ZFHX3: variants seen among roughly 807,000 people sequenced by gnomAD.
ZFHX3 encodes the protein zinc finger homeobox protein 3.
Under a neutral mutation model 279.1 loss-of-function variants are expected in ZFHX3, and 42 were observed. The ratio of observed to expected loss-of-function variants is 0.15; its 90% confidence interval spans 0.12 to 0.19. The LOEUF is 0.19. Ranked by LOEUF, ZFHX3 falls within the 10% of genes least tolerant of loss-of-function variation. The pLI, the probability that ZFHX3 is intolerant of heterozygous loss-of-function variation, is 1.00. For synonymous variants in ZFHX3, 2,293 were observed against 1,957.8 expected (o/e 1.17, Z -4.52); for missense variants, 4,981 against 4,754.0 (o/e 1.05, Z -1.40).
chr16:73,634,166 G>A (rs1044096087), intron 2 of ZFHX3, among the ~76,000 whole-genome samples: 2 of 151,726 alleles, frequency 1.3e-5, no homozygotes, highest in Non-Finnish European at 2.9e-5. Flanking sequence ...ACTGTATCAT[G>A]TCAATACTGT....
At chr16:73,818,491 A>C (rs978390141) in intron 1 of ZFHX3, among the ~76,000 whole-genome samples, 4 of 152,166 alleles carry the variant, frequency 2.6e-5, no homozygotes, top group Non-Finnish European at 5.9e-5. Flanking sequence ...ACATGATATC[A>C]ACCAAAGCTC....
rs866644801 is a variant in ZFHX3 at position 73,784,800 on chromosome 16, T to A, written c.-1607-104560A>T. Among the ~76,000 whole-genome samples, 111 of 118,362 alleles carry A rather than the reference T, an allele frequency of 9.4e-4. 1 individual carries two copies. The highest frequency in any genetic ancestry group is 3.1e-3 in the African/African-American group (81 of 25,716). 77.7% of individuals were successfully genotyped at this position (118,362 alleles called of 152,430 possible). ...TTTTAACAAAATAAAAAAAAAAATA[T>A]ATATATATATATATATACACACACA... On this transcript the variant is annotated intron_variant, in intron 1 of 17. Coordinates refer to the ZFHX3 transcript ENST00000641206.
At chr16:73,525,934 C>T (rs1484023320) in intron 2 of ZFHX3, among the ~76,000 whole-genome samples, 4 of 152,326 alleles carry the variant, frequency 2.6e-5, no homozygotes, top group Non-Finnish European at 4.4e-5. Context: ...TTACCCCAAG[C>T]TTCTGCCTCT....
chr16:73,353,747 A>T (rs931348841), intron 3 of ZFHX3, among the ~76,000 whole-genome samples: 3 of 152,212 alleles, frequency 2.0e-5, no homozygotes, highest in African/African-American at 4.8e-5. Context: ...GAAGCAGGAG[A>T]AAAAGAGGCA....
chr16:73,000,763 G>C (rs1314220414), intron 1 of ZFHX3, among the ~76,000 whole-genome samples: 1 of 152,140 alleles, frequency 6.6e-6, no homozygotes, highest in East Asian at 1.9e-4. Flanking sequence ...ACAGCGGATG[G>C]GCGTCAGATC....
At chr16:73,147,373 G>A (rs1381499122) in intron 5 of ZFHX3, among the ~76,000 whole-genome samples, 2 of 151,976 alleles carry the variant, frequency 1.3e-5, no homozygotes, top group East Asian at 1.9e-4. Context: ...GCCAGACTGC[G>A]TCTCTACTGA....
At chr16:73,655,171 C>T (rs1469585596) in intron 2 of ZFHX3, among the ~76,000 whole-genome samples, 1 of 152,152 alleles carries the variant, frequency 6.6e-6, no homozygotes, top group African/African-American at 2.4e-5. Flanking sequence ...GTAATCATCA[C>T]ATTTAAAGAT....
At chr16:73,339,568 A>G (rs2015988779) in intron 3 of ZFHX3, among the ~76,000 whole-genome samples, 1 of 152,246 alleles carries the variant, frequency 6.6e-6, no homozygotes, top group Admixed American at 6.5e-5. Context: ...AAGTACTAAT[A>G]TATTTTTCTA....
chr16:73,105,929 A>ACCCCCCCCCCCCCCCCCCCCCCCCCC (rs34679627), intron 7 of ZFHX3, among the ~76,000 whole-genome samples: 2 of 110,844 alleles, frequency 1.8e-5, no homozygotes, highest in Non-Finnish European at 3.7e-5. Flanking sequence ...ATGTACACGG[A>ACCCCCCCCCCCCCCCCCCCCCCCCCC]CCCCCTCCCC....
chr16:72,996,256 C>G (rs576975523), intron 1 of ZFHX3, among the ~76,000 whole-genome samples: 1 of 152,290 alleles, frequency 6.6e-6, no homozygotes, highest in African/African-American at 2.4e-5. Context: ...TGCACTCCAG[C>G]CTGGTGACAG....
chr16:73,750,948 T>C (rs2053757046), intron 1 of ZFHX3, among the ~76,000 whole-genome samples: 1 of 152,204 alleles, frequency 6.6e-6, no homozygotes, highest in Non-Finnish European at 1.5e-5. Flanking sequence ...CTACTGAGCA[T>C]AAAAATCCAA....
At chr16:73,740,763 C>T (rs532110183) in intron 1 of ZFHX3, among the ~76,000 whole-genome samples, 11 of 152,298 alleles carry the variant, frequency 7.2e-5, no homozygotes, top group South Asian at 2.1e-4. Context: ...CCCAGATTCT[C>T]GAGTCCATGG....
At chr16:73,049,889 CAATT>C (rs960712969), upstream of ZFHX3, among the ~76,000 whole-genome samples, 10 of 152,108 alleles carry the variant, frequency 6.6e-5, no homozygotes, top group Non-Finnish European at 1.5e-4. Context: ...TTAAAGAAAA[CAATT>C]AATAATTTAA....
intron 1 of ZFHX3, among the ~76,000 whole-genome samples, chr16:73,733,341 G>A (rs1170544015): frequency 1.3e-5 from 2 of 152,080 alleles, no homozygotes; most frequent in African/African-American, 4.8e-5. Flanking sequence ...AAGCTGCAGA[G>A]GTGCAAATGC....
At chr16:73,697,389 T>C (rs1210862695) in intron 1 of ZFHX3, among the ~76,000 whole-genome samples, 1 of 152,228 alleles carries the variant, frequency 6.6e-6, no homozygotes, top group Non-Finnish European at 1.5e-5. Flanking sequence ...AAAACACAGA[T>C]GCAGACTGTT....
In ZFHX3 at chr16:73,843,501, T is replaced by G. The variant is rs572638592; in HGVS notation, c.-1608+48150A>C. 3.9e-5 allele frequency among the ~76,000 whole-genome samples: 6 copies of G among 152,340 alleles called. No individual in the cohort carries two copies. In the East Asian group the frequency reaches 1.2e-3, roughly 29 times the overall value. On this transcript the variant is annotated intron_variant, in intron 1 of 17. Coordinates refer to the ZFHX3 transcript ENST00000641206. ...ATGACAGGGTCTGGTCTTACAGCGG[T>G]GTAGAGAATCAAGAAATTGACATGG... is the stretch of plus-strand genomic sequence containing the variant.
At chr16:72,984,737 T>C (rs1413883594) in intron 1 of ZFHX3, among the ~76,000 whole-genome samples, 2 of 152,088 alleles carry the variant, frequency 1.3e-5, no homozygotes, top group Admixed American at 1.3e-4. Flanking sequence ...GTCTGCAATG[T>C]TGAGGACCCC....
intron 2 of ZFHX3, among the ~76,000 whole-genome samples, chr16:73,641,264 A>G (rs2052570675): frequency 6.6e-6 from 1 of 152,204 alleles, no homozygotes; most frequent in African/African-American, 2.4e-5. Context: ...GCAATAAAAA[A>G]AACTTCAGGA....
intron 5 of ZFHX3, among the ~76,000 whole-genome samples, chr16:72,813,997 T>C (rs780400123): frequency 2.8e-4 from 42 of 152,318 alleles, no homozygotes; most frequent in Middle Eastern, 3.4e-3. Flanking sequence ...TTATTCTCCA[T>C]CATTTTGATT....
Sources: allele counts gnomAD v4.1 joint callset (sites outside exome capture counted in the v4.1 genomes callset), GRCh38; gene constraint gnomAD v4.1.1; transcripts MANE v1.5; gene names NCBI Gene and HGNC (gene_info 2026-07-23, HGNC 2026-07-21).